PCDHA8: variants seen among roughly 807,000 people sequenced by gnomAD.
PCDHA8 encodes protocadherin alpha-8.
In PCDHA8, 53 loss-of-function variants were observed where a neutral mutation model predicts 61.8. The ratio of observed to expected loss-of-function variants is 0.86; its 90% confidence interval spans 0.69 to 1.08. The LOEUF is 1.08. Among genes scored for constraint, PCDHA8 ranks in the 50% least tolerant of loss-of-function variants. PCDHA8 has a pLI of 0.00. For missense variants in PCDHA8, 1,293 were observed against 1,245.0 expected (o/e 1.04, Z -0.58); for synonymous variants, 618 against 556.6 (o/e 1.11, Z -1.55).
intron 1 of PCDHA8, among the ~76,000 whole-genome samples, chr5:140,909,911 A>T (rs747486870): frequency 1.3e-5 from 2 of 152,144 alleles, no homozygotes; most frequent in Non-Finnish European, 2.9e-5. Flanking sequence ...AATGGCAATC[A>T]TTTCCCTTTC....
chr5:141,001,401 G>A (rs190876782), intron 3 of PCDHA8, among the ~76,000 whole-genome samples: 12 of 152,314 alleles, frequency 7.9e-5, no homozygotes, highest in African/African-American at 2.4e-4. Context: ...AGAGAACAGG[G>A]AGTATATTTT....
chr5:140,849,133 C>T, intron 1 of PCDHA8: 2 of 1,357,922 alleles, frequency 1.5e-6, no homozygotes, highest in South Asian at 2.6e-5. Flanking sequence ...TTATTGCTCA[C>T]GGCCACCGAT....
rs2150355874 is a variant in PCDHA8, at chr5:140,843,244, C to G, written c.1923C>G (p.Asp641Glu). 38 of 1,595,906 alleles carry G rather than the reference C, an allele frequency of 2.4e-5. 6 individuals carry two copies. The Middle Eastern group carries it at 6.6e-4, about 28-fold the overall frequency. Residue 641 changes from aspartate (D) to glutamate (E), a missense_variant, in exon 1 of 4, where the codon GAC (aspartate) becomes GAG (glutamate). Transcript: ENST00000531613. ...CCACTCGTGTCCTGGACGAAGCGGA[C>G]TCTCCGCGCCACCGTCTGCTGGTCC... ...ISTTRVLDEA[D>E]SPRHRLLVLV... is the part of the protein sequence containing the mutation.
intron 1 of PCDHA8, chr5:140,869,814 C>A: frequency 2.5e-6 from 4 of 1,612,258 alleles, no homozygotes; most frequent in Non-Finnish European, 3.4e-6. Flanking sequence ...ATGTCAACGA[C>A]AATGATCCAG....
At position 140,854,145 on chromosome 5, in the gene PCDHA8, G is replaced by T. The variant is rs1403834220; in HGVS notation, c.2394+10430G>T. ...CAACTGCATTTCAGCCCGGGTGACA[G>T]CAAGATTCTGTCTCAAAAAAAAAAA... On this transcript the variant is annotated intron_variant, in intron 1 of 3. Coordinates refer to ENST00000531613, the MANE Select transcript of PCDHA8 (RefSeq NM_018911.3). The T allele has an allele frequency of 1.6e-5, 7 of 435,310 alleles. 1 individual carries two copies. The highest frequency in any genetic ancestry group is 2.0e-5 in the Non-Finnish European group (7 of 352,084). The allele number at this position is 435,310 out of a possible 1,614,324, so 27.0% of individuals were successfully genotyped here.
intron 1 of PCDHA8, chr5:140,877,301 A>T (rs2057007244): frequency 6.2e-7 from 1 of 1,613,758 alleles, no homozygotes; most frequent in African/African-American, 1.3e-5. Flanking sequence ...CTGTCCTACG[A>T]GTTGCAACCG....
intron 1 of PCDHA8, chr5:140,857,801 G>A: frequency 6.3e-7 from 1 of 1,597,726 alleles, no homozygotes; most frequent in Non-Finnish European, 8.6e-7. Flanking sequence ...GCGGTCGGTG[G>A]TTGCGGGTCA....
chr5:140,997,614 A>T (rs1355709943), intron 3 of PCDHA8, among the ~76,000 whole-genome samples: 2 of 152,148 alleles, frequency 1.3e-5, no homozygotes, highest in African/African-American at 4.8e-5. Context: ...GCATGACTAT[A>T]TAGAGATTTT....
chr5:140,929,651 A>G (rs2086278415), intron 1 of PCDHA8: 2 of 358,222 alleles, frequency 5.6e-6, no homozygotes, highest in East Asian at 8.9e-5. Context: ...AAGGCACTCT[A>G]ATATTTAAAG....
intron 1 of PCDHA8, among the ~76,000 whole-genome samples, chr5:140,960,521 A>C (rs950989969): frequency 9.9e-5 from 15 of 152,162 alleles, no homozygotes; most frequent in Non-Finnish European, 1.5e-5. Context: ...CATAATGGGT[A>C]TAGGAAAGAG....
intron 3 of PCDHA8, among the ~76,000 whole-genome samples, chr5:141,005,617 G>C (rs1419951778): frequency 6.7e-6 from 1 of 149,280 alleles, no homozygotes; most frequent in Non-Finnish European, 1.5e-5. Context: ...CAGGAGAATG[G>C]CGTGAACCCG....
At position 140,928,790 on chromosome 5, in the gene PCDHA8, G is replaced by T. The variant is rs370207805; in HGVS notation, c.2395-50159G>T. The T allele has an allele frequency of 9.3e-6, 15 of 1,614,058 alleles. No homozygotes were observed. Among genetic ancestry groups the T allele is most frequent in the Non-Finnish European group, 1.2e-5 (14 of 1,180,044 alleles). On this transcript the variant is annotated intron_variant, in intron 1 of 3. Coordinates refer to ENST00000531613, the MANE Select transcript of PCDHA8 (RefSeq NM_018911.3). The stretch of plus-strand genomic sequence containing the variant: ...CTTCCCACTGATGCAGTTAAGCAGA[G>T]GGTGGTGGTAGTGGTTCGGGACCAT...
chr5:141,005,333 A>T (rs1554260005), intron 3 of PCDHA8, among the ~76,000 whole-genome samples: 1 of 152,224 alleles, frequency 6.6e-6, no homozygotes, highest in Non-Finnish European at 1.5e-5. Flanking sequence ...TAATAGGCCA[A>T]GGGGGTGCTG....
chr5:140,894,997 T>G (rs566489828), intron 1 of PCDHA8, among the ~76,000 whole-genome samples: 15 of 152,296 alleles, frequency 9.8e-5, no homozygotes, highest in African/African-American at 3.6e-4. Flanking sequence ...TCCTTTACCC[T>G]TTTTACTTGG....
intron 1 of PCDHA8, among the ~76,000 whole-genome samples, chr5:140,941,183 T>C (rs2092749314): frequency 8.3e-6 from 1 of 120,094 alleles, no homozygotes; most frequent in African/African-American, 3.0e-5. Flanking sequence ...AACATCCTGC[T>C]TCTTTTTTTT....
chr5:140,868,946 G>C, intron 1 of PCDHA8: 1 of 1,292,216 alleles, frequency 7.7e-7, no homozygotes, highest in Non-Finnish European at 1.1e-6. Flanking sequence ...TCTGAACAGT[G>C]AGGCACTCCC....
At chr5:140,982,025 C>A (rs1191670248) in intron 2 of PCDHA8, among the ~76,000 whole-genome samples, 1 of 152,180 alleles carries the variant, frequency 6.6e-6, no homozygotes, top group Non-Finnish European at 1.5e-5. Flanking sequence ...CAAATTGGAA[C>A]AATACTCCAA....
chr5:141,006,233 A>G (rs1311441986), intron 3 of PCDHA8, among the ~76,000 whole-genome samples: 2 of 151,044 alleles, frequency 1.3e-5, no homozygotes, highest in African/African-American at 4.9e-5. Flanking sequence ...TTATTTTTAG[A>G]TGGAGTCTTG....
intron 3 of PCDHA8, among the ~76,000 whole-genome samples, chr5:140,986,473 CA>C (rs1217616254): frequency 6.6e-6 from 1 of 152,192 alleles, no homozygotes; most frequent in Non-Finnish European, 1.5e-5. Context: ...CTCTTGTGAT[CA>C]GTTCCTAGGG....
Sources: allele counts gnomAD v4.1 joint callset (sites outside exome capture counted in the v4.1 genomes callset), GRCh38; gene constraint gnomAD v4.1.1; transcripts MANE v1.5; gene names NCBI Gene and HGNC (gene_info 2026-07-23, HGNC 2026-07-21).